The following RALYL variants were observed in gnomAD, a reference collection of about 807,000 sequenced individuals.
RALYL encodes the protein RNA-binding Raly-like protein.
Under a neutral mutation model 35.1 loss-of-function variants are expected in RALYL, and 29 were observed. The ratio of observed to expected loss-of-function variants is 0.83; its 90% CI spans 0.61 to 1.13. The LOEUF (loss-of-function observed/expected upper bound fraction) is 1.13, where lower values mean the gene tolerates loss of function less well. RALYL is among the 50% of genes most tolerant of loss of function. The pLI, the probability that RALYL is intolerant of heterozygous loss-of-function variation, is 0.00. For synonymous variants in RALYL, 120 were observed against 127.6 expected (o/e 0.94, Z 0.40); for missense variants, 359 against 360.4 (o/e 1.00, Z 0.03).
chr8:84,782,808 T>A (rs562425655), intron 3 of RALYL, among the ~76,000 whole-genome samples: 3 of 152,200 alleles, frequency 2.0e-5, no homozygotes, highest in Non-Finnish European at 4.4e-5. Context: ...GTGGGTTTTA[T>A]CTTGCAAAGG....
At chr8:84,429,817 G>A (rs887567120) in intron 1 of RALYL, among the ~76,000 whole-genome samples, 1 of 152,048 alleles carries the variant, frequency 6.6e-6, no homozygotes, top group Non-Finnish European at 1.5e-5. Flanking sequence ...TTACTAGACA[G>A]AGTTAAAGGA....
chr8:84,484,536 T>C (rs2054398726), intron 1 of RALYL, among the ~76,000 whole-genome samples: 1 of 152,018 alleles, frequency 6.6e-6, no homozygotes, highest in Non-Finnish European at 1.5e-5. Context: ...GTGCTGGGAA[T>C]GATGAGTAGT....
intron 1 of RALYL, among the ~76,000 whole-genome samples, chr8:84,381,945 TA>T (rs1858074276): frequency 6.6e-6 from 1 of 151,830 alleles, no homozygotes; most frequent in Non-Finnish European, 1.5e-5. Flanking sequence ...TTTGAAACAT[TA>T]AAGTTCTGTT....
intron 1 of RALYL, among the ~76,000 whole-genome samples, chr8:84,295,162 T>C (rs968315937): frequency 1.3e-5 from 2 of 152,174 alleles, no homozygotes; most frequent in Admixed American, 1.3e-4. Flanking sequence ...AGTCAGTTTG[T>C]TGAGAATTGG....
In RALYL at chr8:84,184,665, C is replaced by T. The variant is rs968080389; in HGVS notation, c.-24+241C>T. Among the ~76,000 whole-genome samples, 3 of 152,128 alleles carry T rather than the reference C, an allele frequency of 2.0e-5. No homozygotes were observed. The East Asian group carries it at 5.8e-4, about 30-fold the overall frequency. On this transcript the variant is annotated intron_variant, in intron 1 of 8. Transcript: ENST00000521268. Reference sequence around the variant, plus strand: ...TACAGTCCCCTCCCCCCACCCCTCCCACGGTGAGCTGCGCCCAGGTCGTCT... The same window carrying T: ...TACAGTCCCCTCCCCCCACCCCTCCTACGGTGAGCTGCGCCCAGGTCGTCT...
intron 2 of RALYL, among the ~76,000 whole-genome samples, chr8:84,704,446 G>GACACACACAC (rs3068023): frequency 7.7e-5 from 8 of 104,070 alleles, no homozygotes; most frequent in Admixed American, 3.5e-4. Flanking sequence ...AATACACACA[G>GACACACACAC]ACACACACAC....
chr8:84,798,621 G>A (rs976598125), intron 3 of RALYL, among the ~76,000 whole-genome samples: 1 of 152,210 alleles, frequency 6.6e-6, no homozygotes, highest in Non-Finnish European at 1.5e-5. Flanking sequence ...CATCTTAAAT[G>A]TAGGTCAGGG....
At chr8:84,625,762 A>C (rs990193387) in intron 2 of RALYL, among the ~76,000 whole-genome samples, 2 of 152,210 alleles carry the variant, frequency 1.3e-5, no homozygotes, top group Non-Finnish European at 2.9e-5. Flanking sequence ...GGATGACCAG[A>C]ATATAAAGAA....
chr8:84,415,515 G>C (rs1194779631), intron 1 of RALYL, among the ~76,000 whole-genome samples: 2 of 149,068 alleles, frequency 1.3e-5, no homozygotes, highest in Non-Finnish European at 3.0e-5. Context: ...TGGTATTACA[G>C]GCGTGAGCCA....
chr8:84,752,209 G>A (rs1325951527), intron 2 of RALYL, among the ~76,000 whole-genome samples: 2 of 152,198 alleles, frequency 1.3e-5, no homozygotes, highest in African/African-American at 4.8e-5. Context: ...TGGCAGCATT[G>A]TGCTCCTGCT....
chr8:84,514,107 A>AAG (rs1226597909), intron 1 of RALYL, among the ~76,000 whole-genome samples: 2 of 141,536 alleles, frequency 1.4e-5, no homozygotes, highest in Non-Finnish European at 3.0e-5. Context: ...AAAAAAAAAA[A>AAG]AAAAAAAAGA....
intron 2 of RALYL, among the ~76,000 whole-genome samples, chr8:84,543,585 T>G (rs1487829705): frequency 1.3e-5 from 2 of 152,136 alleles, no homozygotes; most frequent in Admixed American, 1.3e-4. Flanking sequence ...TTAATAATTT[T>G]ATGAGCTCAG....
intron 4 of RALYL, among the ~76,000 whole-genome samples, chr8:84,816,877 C>T (rs968671287): frequency 6.6e-6 from 1 of 151,828 alleles, no homozygotes; most frequent in African/African-American, 2.4e-5. Context: ...TCATGTACCC[C>T]ACAAATATAT....
intron 1 of RALYL, among the ~76,000 whole-genome samples, chr8:84,420,446 G>A (rs1370625238): frequency 6.6e-6 from 1 of 151,550 alleles, no homozygotes; most frequent in East Asian, 1.9e-4. Context: ...CTGGATATTA[G>A]CCCTATGTCA....
At chr8:84,650,859 T>C (rs1015627422) in intron 2 of RALYL, among the ~76,000 whole-genome samples, 2 of 152,180 alleles carry the variant, frequency 1.3e-5, no homozygotes, top group African/African-American at 4.8e-5. Flanking sequence ...TAAGAAAATG[T>C]GGCACATATA....
intron 1 of RALYL, among the ~76,000 whole-genome samples, chr8:84,385,167 A>G (rs1006200118): frequency 3.3e-5 from 5 of 151,842 alleles, no homozygotes; most frequent in African/African-American, 1.2e-4. Context: ...ATCCATTTAC[A>G]TATCTTAAAA....
chr8:84,549,124 T>C (rs1947960), intron 2 of RALYL, among the ~76,000 whole-genome samples: 53,949 of 152,024 alleles, frequency 0.35, 9,767 homozygotes, highest in South Asian at 0.51. Flanking sequence ...CAGATACAGC[T>C]ATGCTATGTA....
At position 84,774,473 on chromosome 8, in the gene RALYL, T is replaced by G. The variant is rs183997453; in HGVS notation, c.257-106T>G. 2.7e-3 allele frequency: 1,968 copies of G among 730,678 alleles called. 7 individuals carry two copies. The highest frequency in any genetic ancestry group is 3.4e-3 in the Non-Finnish European group (1,482 of 432,222). 45.3% of individuals were successfully genotyped at this position (730,678 alleles called of 1,614,324 possible). On this transcript the variant is annotated intron_variant, in intron 2 of 8. Transcript: ENST00000521268. ...TGTTGAATGAATCAATGGTGTACAATATTTGCATAAACAAATAGTAAAAAG... is the reference window on the plus strand; with the variant it reads ...TGTTGAATGAATCAATGGTGTACAAGATTTGCATAAACAAATAGTAAAAAG...
intron 2 of RALYL, among the ~76,000 whole-genome samples, chr8:84,652,368 T>C (rs1829027264): frequency 6.6e-6 from 1 of 152,188 alleles, no homozygotes; most frequent in South Asian, 2.1e-4. Context: ...GATTGCACTA[T>C]TATTTATGCC....
Sources: allele counts gnomAD v4.1 joint callset (sites outside exome capture counted in the v4.1 genomes callset), GRCh38; gene constraint gnomAD v4.1.1; transcripts MANE v1.5; gene names NCBI Gene and HGNC (gene_info 2026-07-23, HGNC 2026-07-21).